Variants in PRR16 observed in about 807,000 individuals in gnomAD.
PRR16 encodes the protein protein Largen.
A neutral mutation model predicts 18.2 loss-of-function variants in PRR16; 6 were observed. The ratio of observed to expected loss-of-function variants is 0.33; its 90% CI spans 0.18 to 0.65. The LOEUF (loss-of-function observed/expected upper bound fraction) is 0.65. PRR16 is among the 30% of genes least tolerant of loss of function. PRR16 has a pLI of 0.74. For missense variants in PRR16, 412 were observed against 376.6 expected (o/e 1.09, Z -0.78); for synonymous variants, 151 against 147.8 (o/e 1.02, Z -0.16).
the PRR16 span, chr5:120,790,013 T>C: frequency 6.6e-6 from 1 of 152,160 alleles, no homozygotes; most frequent in Non-Finnish European, 1.5e-5. Context: ...TTTTCTCACT[T>C]GATTCATCTT....
At chr5:120,780,188 T>C in the PRR16 span, among the ~76,000 whole-genome samples, 259 of 152,262 alleles carry the variant, frequency 1.7e-3, no homozygotes, top group African/African-American at 6.0e-3. Context: ...TCCAAAAACA[T>C]CACATCCTAC....
intron 1 of PRR16, among the ~76,000 whole-genome samples, chr5:120,467,423 A>G (rs935801384): frequency 6.6e-6 from 1 of 152,152 alleles, no homozygotes; most frequent in Non-Finnish European, 1.5e-5. Flanking sequence ...CTTTTAAAAA[A>G]TATCTAGTTA....
chr5:120,718,740 A>G, the PRR16 span, among the ~76,000 whole-genome samples: 7 of 152,108 alleles, frequency 4.6e-5, no homozygotes, highest in East Asian at 9.7e-4. Context: ...TATAATCAGG[A>G]CTCTCCTACC....
intron 1 of PRR16, among the ~76,000 whole-genome samples, chr5:120,484,249 C>A (rs1022316626): frequency 1.3e-5 from 2 of 149,244 alleles, no homozygotes; most frequent in Non-Finnish European, 3.0e-5. Context: ...AAATGATTAC[C>A]GACTCTAGTA....
the PRR16 span, among the ~76,000 whole-genome samples, chr5:120,769,678 C>G: frequency 6.6e-5 from 10 of 151,956 alleles, no homozygotes; most frequent in South Asian, 1.7e-3. Flanking sequence ...CATTGGAATG[C>G]AGATTTTTTT....
At chr5:120,492,086 G>C (rs1189273309) in intron 1 of PRR16, among the ~76,000 whole-genome samples, 1 of 141,200 alleles carries the variant, frequency 7.1e-6, no homozygotes, top group African/African-American at 2.7e-5. Flanking sequence ...TTATTTGTTT[G>C]TTTTCTTTTT....
chr5:120,766,944 A>C, the PRR16 span, among the ~76,000 whole-genome samples: 1 of 151,896 alleles, frequency 6.6e-6, no homozygotes, highest in Non-Finnish European at 1.5e-5. Flanking sequence ...TGACTGAATG[A>C]AGACAAATAT....
the PRR16 span, among the ~76,000 whole-genome samples, chr5:120,697,472 A>G: frequency 1.9e-4 from 29 of 152,348 alleles, no homozygotes; most frequent in Admixed American, 3.3e-4. Context: ...ATAAACACAC[A>G]AAGTTACATG....
the PRR16 span, among the ~76,000 whole-genome samples, chr5:120,709,593 A>T: frequency 2.6e-5 from 4 of 151,976 alleles, no homozygotes; most frequent in Non-Finnish European, 5.9e-5. Flanking sequence ...CTTTTTATCT[A>T]GCTATATTTT....
chr5:120,618,704 A>G, intron 1 of PRR16: 2 of 280,192 alleles, frequency 7.1e-6, no homozygotes, highest in Non-Finnish European at 1.1e-5. Context: ...TATTGCTAAG[A>G]GAGACCAATG....
intron 1 of PRR16, among the ~76,000 whole-genome samples, chr5:120,526,262 G>A (rs909237303): frequency 1.4e-4 from 22 of 152,024 alleles, no homozygotes; most frequent in African/African-American, 4.1e-4. Context: ...ACCAGATTCC[G>A]TTCCACCTGT....
the PRR16 span, among the ~76,000 whole-genome samples, chr5:120,733,302 C>T: frequency 3.3e-5 from 5 of 151,982 alleles, no homozygotes; most frequent in African/African-American, 1.2e-4. Context: ...AGGAGTGTGC[C>T]ATCATGCCCA....
At chr5:120,527,529 G>C (rs1751411508) in intron 1 of PRR16, among the ~76,000 whole-genome samples, 1 of 152,194 alleles carries the variant, frequency 6.6e-6, no homozygotes. Flanking sequence ...GCAAGTAACA[G>C]TTTAAGTAGC....
At chr5:120,760,365 C>G in the PRR16 span, among the ~76,000 whole-genome samples, 1 of 152,066 alleles carries the variant, frequency 6.6e-6, no homozygotes, top group African/African-American at 2.4e-5. Flanking sequence ...CCCATACCCT[C>G]TTAAGCCATT....
the PRR16 span, among the ~76,000 whole-genome samples, chr5:120,770,401 A>C: frequency 6.6e-6 from 1 of 152,032 alleles, no homozygotes; most frequent in South Asian, 2.1e-4. Flanking sequence ...CCCTTGCCTT[A>C]CATTATACAG....
intron 1 of PRR16, among the ~76,000 whole-genome samples, chr5:120,670,625 T>G (rs1372196635): frequency 1.3e-5 from 2 of 152,078 alleles, no homozygotes; most frequent in Admixed American, 6.6e-5. Context: ...ACCCCCTTAC[T>G]CCATTAAGAA....
At chr5:120,751,583 A>G in the PRR16 span, among the ~76,000 whole-genome samples, 59 of 152,104 alleles carry the variant, frequency 3.9e-4, no homozygotes, top group African/African-American at 1.4e-3. Context: ...ATTCCTTTTC[A>G]TAATGGTGTA....
At chr5:120,669,276 G>A (rs987505626) in intron 1 of PRR16, among the ~76,000 whole-genome samples, 31 of 152,108 alleles carry the variant, frequency 2.0e-4, no homozygotes, top group South Asian at 6.2e-4. Flanking sequence ...TCTGAAAACC[G>A]TAGGAAAAGG....
intron 1 of PRR16, among the ~76,000 whole-genome samples, chr5:120,573,799 T>C (rs913994007): frequency 3.3e-5 from 5 of 152,158 alleles, no homozygotes; most frequent in Non-Finnish European, 7.3e-5. Flanking sequence ...ATTGAATATA[T>C]AGAATTGACC....
Sources: gnomAD v4.1 joint callset for allele counts (sites outside exome capture counted in the v4.1 genomes callset) on GRCh38, gnomAD v4.1.1 for gene constraint, MANE v1.5 for transcripts, NCBI Gene and HGNC (gene_info 2026-07-23, HGNC 2026-07-21) for gene names.